The following SGCZ variants were observed in gnomAD, a reference collection of about 807,000 sequenced individuals.
SGCZ encodes the protein sarcoglycan zeta, also known as zeta-sarcoglycan.
Under a neutral mutation model 41.3 loss-of-function variants are expected in SGCZ, and 40 were observed. That is an observed-to-expected ratio of 0.97 (90% CI 0.75 to 1.26). SGCZ has a LOEUF of 1.26. Ranked by LOEUF, SGCZ falls within the 50% of genes most tolerant of loss-of-function variation. The pLI is 0.00. For missense variants in SGCZ, 552 were observed against 369.8 expected (o/e 1.49, Z -4.04); for synonymous variants, 206 against 137.5 (o/e 1.50, Z -3.49).
At chr8:14,381,406 CCATATTTTA>C (rs1230183030) in intron 2 of SGCZ, among the ~76,000 whole-genome samples, 5 of 152,104 alleles carry the variant, frequency 3.3e-5, no homozygotes, top group Non-Finnish European at 2.9e-5. Flanking sequence ...AGATGATAAT[CCATATTTTA>C]CCACTTCCTG....
intron 3 of SGCZ, among the ~76,000 whole-genome samples, chr8:14,301,216 A>T (rs1384043155): frequency 6.6e-6 from 1 of 151,968 alleles, no homozygotes; most frequent in Admixed American, 6.6e-5. Flanking sequence ...TACGTATCTG[A>T]TTCCCCAATG....
At chr8:14,390,975 A>G (rs75907074) in intron 2 of SGCZ, among the ~76,000 whole-genome samples, 13,775 of 152,124 alleles carry the variant, frequency 0.091, 1,133 homozygotes, top group African/African-American at 0.21. Flanking sequence ...GGGATATCCA[A>G]TGAAAAAGCA....
At chr8:14,651,083 T>A (rs970696358) in intron 1 of SGCZ, among the ~76,000 whole-genome samples, 1 of 152,060 alleles carries the variant, frequency 6.6e-6, no homozygotes, top group Non-Finnish European at 1.5e-5. Flanking sequence ...TTAGCAGCTA[T>A]GTATCAGTTC....
chr8:14,495,842 C>G (rs1290308974), intron 2 of SGCZ, among the ~76,000 whole-genome samples: 1 of 152,048 alleles, frequency 6.6e-6, no homozygotes. Context: ...TTTCAGGGGA[C>G]TAAATTTCAG....
intron 1 of SGCZ, among the ~76,000 whole-genome samples, chr8:15,222,804 T>G (rs1306728067): frequency 2.6e-5 from 4 of 151,940 alleles, no homozygotes; most frequent in East Asian, 1.9e-4. Context: ...TGTGTGGGTG[T>G]GTGTGTGTGT....
At chr8:14,889,498 A>G (rs1223882795) in intron 1 of SGCZ, among the ~76,000 whole-genome samples, 1 of 152,140 alleles carries the variant, frequency 6.6e-6, no homozygotes, top group East Asian at 1.9e-4. Context: ...TGTGTAAACT[A>G]ATAAGACACA....
intron 1 of SGCZ, among the ~76,000 whole-genome samples, chr8:14,660,250 G>C (rs1001192319): frequency 6.6e-6 from 1 of 152,100 alleles, no homozygotes; most frequent in Non-Finnish European, 1.5e-5. Flanking sequence ...GAAAATAAAA[G>C]GGTTGAAGGG....
intron 3 of SGCZ, among the ~76,000 whole-genome samples, chr8:14,284,858 A>G (rs1800570129): frequency 6.6e-6 from 1 of 152,078 alleles, no homozygotes; most frequent in Non-Finnish European, 1.5e-5. Flanking sequence ...TAATGCTGAG[A>G]TCATCTGTAT....
chr8:14,283,392 G>A (rs929668696), intron 3 of SGCZ, among the ~76,000 whole-genome samples: 1 of 152,140 alleles, frequency 6.6e-6, no homozygotes, highest in Non-Finnish European at 1.5e-5. Context: ...GAGAATGCAA[G>A]AGATGAGAAT....
intron 2 of SGCZ, among the ~76,000 whole-genome samples, chr8:14,338,502 T>C (rs1802579738): frequency 6.6e-6 from 1 of 152,166 alleles, no homozygotes; most frequent in South Asian, 2.1e-4. Flanking sequence ...CAGGTGGTGC[T>C]TATTCGAGGT....
chr8:14,239,873 G>A (rs1798800481), intron 3 of SGCZ, among the ~76,000 whole-genome samples: 1 of 108,834 alleles, frequency 9.2e-6, no homozygotes, highest in Non-Finnish European at 1.6e-5. Flanking sequence ...CTGCACTCCA[G>A]CCTGGGCGAC....
At chr8:14,951,808 C>G (rs1800650553) in intron 1 of SGCZ, among the ~76,000 whole-genome samples, 1 of 151,994 alleles carries the variant, frequency 6.6e-6, no homozygotes, top group African/African-American at 2.4e-5. Context: ...TATTATTAAA[C>G]CCATAAATTA....
intron 2 of SGCZ, among the ~76,000 whole-genome samples, chr8:14,328,760 G>A (rs934465906): frequency 1.8e-4 from 28 of 152,264 alleles, no homozygotes; most frequent in Non-Finnish European, 3.5e-4. Context: ...TGAAACTTAA[G>A]GGCCAATGTG....
At chr8:14,539,550 TA>T (rs951097384) in intron 2 of SGCZ, among the ~76,000 whole-genome samples, 2 of 151,900 alleles carry the variant, frequency 1.3e-5, no homozygotes, top group African/African-American at 4.8e-5. Flanking sequence ...TGCTTTTTTT[TA>T]AACTTATTTT....
chr8:14,717,644 T>C (rs895151538), intron 1 of SGCZ, among the ~76,000 whole-genome samples: 2 of 152,112 alleles, frequency 1.3e-5, no homozygotes, highest in Middle Eastern at 3.2e-3. Context: ...TTTAATGTTT[T>C]GCTGTGGTAG....
chr8:14,987,899 C>G (rs1355977885), intron 1 of SGCZ, among the ~76,000 whole-genome samples: 1 of 151,954 alleles, frequency 6.6e-6, no homozygotes, highest in Non-Finnish European at 1.5e-5. Flanking sequence ...TGCTCCCAAA[C>G]TTTCAGAGCA....
At chr8:14,321,244 A>G (rs1211664775) in intron 3 of SGCZ, among the ~76,000 whole-genome samples, 1 of 152,078 alleles carries the variant, frequency 6.6e-6, no homozygotes, top group Non-Finnish European at 1.5e-5. Context: ...GAATTCTAAG[A>G]TATTTCCTGG....
At chr8:14,389,381 A>G (rs1397070075) in intron 2 of SGCZ, among the ~76,000 whole-genome samples, 1 of 151,858 alleles carries the variant, frequency 6.6e-6, no homozygotes, top group Non-Finnish European at 1.5e-5. Flanking sequence ...AATCATGTTC[A>G]AAGTAGAAAA....
intron 1 of SGCZ, among the ~76,000 whole-genome samples, chr8:15,210,596 T>G (rs73207327): frequency 0.2 from 29,803 of 152,114 alleles, 3,433 homozygotes; most frequent in East Asian, 0.43. Context: ...TTTCACTCCC[T>G]GTCCTCTAGA....
Sources: allele counts gnomAD v4.1 joint callset (sites outside exome capture counted in the v4.1 genomes callset), GRCh38; gene constraint gnomAD v4.1.1; transcripts MANE v1.5; gene names NCBI Gene and HGNC (gene_info 2026-07-23, HGNC 2026-07-21).